The following WARS2 variants were observed in gnomAD, a reference collection of about 807,000 sequenced individuals.
WARS2 encodes the protein tryptophanyl tRNA synthetase 2, mitochondrial, also known as tryptophan--tRNA ligase, mitochondrial.
A neutral mutation model predicts 36.5 loss-of-function variants in WARS2; 28 were observed. That is an observed-to-expected ratio of 0.77 (90% confidence interval 0.57 to 1.05). WARS2 has a LOEUF of 1.05. Among genes scored for constraint, WARS2 ranks in the 50% least tolerant of loss-of-function variants. The probability of loss-of-function intolerance (pLI) is 0.00; values close to 1 mark genes in which losing one functional copy is unlikely to be tolerated. For synonymous variants in WARS2, 174 were observed against 178.4 expected (o/e 0.98, Z 0.20); for missense variants, 435 against 456.8 (o/e 0.95, Z 0.44).
rs1651489774 is a variant in WARS2 at position 119,073,514 on chromosome 1, C to A, written c.348+2836G>T. Reference sequence around the variant, plus strand: ...CCCTTAAATTTTGCTGGCAAACTATCAAAATTCTCCACAATGGAGCTGAAG... The same window carrying A: ...CCCTTAAATTTTGCTGGCAAACTATAAAAATTCTCCACAATGGAGCTGAAG... On this transcript the variant is annotated intron_variant, in intron 2 of 5. Coordinates refer to ENST00000235521, the MANE Select transcript of WARS2 (RefSeq NM_015836.4). Among the ~76,000 whole-genome samples, 7 of 152,152 alleles carry A rather than the reference C, an allele frequency of 4.6e-5. No homozygotes were observed. The South Asian group carries it at 1.4e-3, about 32-fold the overall frequency.
intron 2 of WARS2, among the ~76,000 whole-genome samples, chr1:119,061,636 T>C (rs1650389310): frequency 6.6e-6 from 1 of 152,180 alleles, no homozygotes; most frequent in Non-Finnish European, 1.5e-5. Context: ...TAGTTATTTT[T>C]ACAGCATTAA....
chr1:119,058,392 G>T (rs1243442129), intron 2 of WARS2, among the ~76,000 whole-genome samples: 1 of 106,846 alleles, frequency 9.4e-6, no homozygotes, highest in Non-Finnish European at 1.9e-5. Flanking sequence ...GTGCCATGCT[G>T]GTGCGCTGCA....
intron 1 of WARS2, among the ~76,000 whole-genome samples, chr1:119,098,019 G>A (rs185887059): frequency 6.6e-5 from 10 of 152,232 alleles, no homozygotes; most frequent in Admixed American, 5.2e-4. Flanking sequence ...GGGAGGCTGA[G>A]GCGGGCATAT....
At chr1:119,095,468 T>C (rs182632552) in intron 1 of WARS2, among the ~76,000 whole-genome samples, 37 of 152,208 alleles carry the variant, frequency 2.4e-4, no homozygotes, top group African/African-American at 8.4e-4. Flanking sequence ...CTGTCACCCA[T>C]GCTGGAGTGC....
intron 2 of WARS2, among the ~76,000 whole-genome samples, chr1:119,075,271 C>A (rs1651640596): frequency 6.6e-6 from 1 of 151,930 alleles, no homozygotes; most frequent in Non-Finnish European, 1.5e-5. Flanking sequence ...ATTTGCATAG[C>A]ATTTATATTG....
chr1:119,050,995 A>C (rs1649303575), intron 2 of WARS2, among the ~76,000 whole-genome samples: 1 of 152,156 alleles, frequency 6.6e-6, no homozygotes, highest in Admixed American at 6.5e-5. Context: ...TGGTGTTGGG[A>C]ATATGAAAGT....
At chr1:119,138,998 T>TTC (rs1553183754) in intron 1 of WARS2, among the ~76,000 whole-genome samples, 5 of 152,186 alleles carry the variant, frequency 3.3e-5, no homozygotes, top group African/African-American at 7.2e-5. Context: ...TGTCTTTTTT[T>TTC]TCTCTCTCTC....
chr1:119,113,873 C>G (rs1382699818), intron 1 of WARS2, among the ~76,000 whole-genome samples: 1 of 152,002 alleles, frequency 6.6e-6, no homozygotes, highest in Non-Finnish European at 1.5e-5. Context: ...ACACCTCTAG[C>G]TCTTTTCATT....
intron 2 of WARS2, chr1:119,063,950 G>A (rs1226994308): frequency 1.3e-5 from 2 of 152,220 alleles, no homozygotes; most frequent in African/African-American, 4.8e-5. Context: ...GCTGTGAGAA[G>A]AGGCCACCAT....
intron 2 of WARS2, among the ~76,000 whole-genome samples, chr1:119,067,129 C>CA (rs11407481): frequency 0.37 from 55,888 of 151,872 alleles, 10,758 homozygotes; most frequent in African/African-American, 0.39. Context: ...ACATTGTACA[C>CA]AAAAAATAGA....
intron 2 of WARS2, among the ~76,000 whole-genome samples, chr1:119,062,032 T>C (rs10802073): frequency 0.33 from 49,506 of 152,058 alleles, 9,493 homozygotes; most frequent in African/African-American, 0.54. Context: ...AAGGTCTATA[T>C]ATGAAATGTA....
At chr1:119,068,825 A>ACTCTCT (rs10647679) in intron 2 of WARS2, among the ~76,000 whole-genome samples, 15 of 149,504 alleles carry the variant, frequency 1.0e-4, no homozygotes, top group African/African-American at 2.9e-4. Flanking sequence ...TCTCTCTCTT[A>ACTCTCT]CTCTCTCTCT....
rs118129298 is a variant in WARS2 at position 119,089,465 on chromosome 1, C to T, written c.91-12858G>A. 8.9e-4 allele frequency among the ~76,000 whole-genome samples: 136 copies of T among 152,256 alleles called. 2 individuals are homozygous for T. In the East Asian group the frequency reaches 0.025, roughly 28 times the overall value. ...ATGGCTGAGAAGCAGAATCTAGTGC[C>T]ACACTGCCGGGATTCAAGACTTTGC... is the stretch of plus-strand genomic sequence containing the variant. On this transcript the variant is annotated intron_variant, in intron 1 of 5. Coordinates refer to ENST00000235521, the MANE Select transcript of WARS2 (RefSeq NM_015836.4).
At chr1:119,102,896 AAAC>A (rs1264399761) in intron 1 of WARS2, among the ~76,000 whole-genome samples, 2 of 152,212 alleles carry the variant, frequency 1.3e-5, no homozygotes, top group African/African-American at 4.8e-5. Context: ...TCATCCTATA[AAAC>A]ACTCCCCTCT....
chr1:119,116,503 C>T (rs373577311), intron 1 of WARS2, among the ~76,000 whole-genome samples: 10 of 152,226 alleles, frequency 6.6e-5, no homozygotes, highest in East Asian at 3.9e-4. Context: ...TTCACAGACC[C>T]TTTGAAAGAA....
intron 4 of WARS2, among the ~76,000 whole-genome samples, chr1:119,041,368 A>G (rs1487578835): frequency 1.3e-5 from 2 of 152,212 alleles, no homozygotes; most frequent in East Asian, 3.9e-4. Context: ...TGAGAGGGGG[A>G]TGAAATCAGA....
intron 1 of WARS2, among the ~76,000 whole-genome samples, chr1:119,078,984 T>C (rs989273971): frequency 1.3e-5 from 2 of 152,102 alleles, no homozygotes; most frequent in African/African-American, 4.8e-5. Context: ...ACAAAATGTG[T>C]GTGTGTGTGC....
chr1:119,050,799 T>TA (rs1448651976), intron 2 of WARS2, among the ~76,000 whole-genome samples: 3 of 151,970 alleles, frequency 2.0e-5, no homozygotes, highest in Non-Finnish European at 4.4e-5. Flanking sequence ...AAAACAATTA[T>TA]AAAAAATAGG....
chr1:119,073,562 T>C (rs1375143459), intron 2 of WARS2, among the ~76,000 whole-genome samples: 1 of 152,210 alleles, frequency 6.6e-6, no homozygotes, highest in East Asian at 1.9e-4. Flanking sequence ...GGAGGTGAAT[T>C]ATAAAACAGC....
Sources: allele counts gnomAD v4.1 joint callset (sites outside exome capture counted in the v4.1 genomes callset), GRCh38; gene constraint gnomAD v4.1.1; transcripts MANE v1.5; gene names NCBI Gene and HGNC (gene_info 2026-07-23, HGNC 2026-07-21).